The following IPCEF1 variants were observed in gnomAD, a reference collection of about 807,000 sequenced individuals.
The protein encoded by IPCEF1 is interactor protein for cytohesin exchange factors 1.
Under a neutral mutation model 50.9 loss-of-function variants are expected in IPCEF1, and 31 were observed. The observed-to-expected ratio is 0.61, with a 90% CI of 0.46 to 0.82. IPCEF1 has a LOEUF of 0.82. Among genes scored for constraint, IPCEF1 ranks in the 40% least tolerant of loss-of-function variants. The probability of loss-of-function intolerance (pLI) is 0.00; values close to 1 mark genes in which losing one functional copy is unlikely to be tolerated. For synonymous variants in IPCEF1, 181 were observed against 192.0 expected, an observed-to-expected ratio of 0.94 and a Z score of 0.47; for missense variants, 458 against 514.0, an observed-to-expected ratio of 0.89 and a Z score of 1.05.
intron 3 of IPCEF1, among the ~76,000 whole-genome samples, chr6:154,261,246 C>T (rs1001923668): frequency 2.0e-5 from 3 of 152,102 alleles, no homozygotes; most frequent in African/African-American, 4.8e-5. Flanking sequence ...GGGCTGGTCT[C>T]GAACTCCTGG....
At chr6:154,178,483 A>T (rs1800547211) in intron 10 of IPCEF1, among the ~76,000 whole-genome samples, 1 of 152,162 alleles carries the variant, frequency 6.6e-6, no homozygotes, top group African/African-American at 2.4e-5. Flanking sequence ...TATGTTAAAA[A>T]TATCGAAGGG....
intron 5 of IPCEF1, among the ~76,000 whole-genome samples, chr6:154,230,285 GA>G (rs1014945350): frequency 3.3e-5 from 5 of 152,080 alleles, no homozygotes; most frequent in African/African-American, 4.8e-5. Flanking sequence ...TGCAGATGGG[GA>G]TATTGATAAT....
chr6:154,268,321 G>A (rs1781811052), intron 2 of IPCEF1, among the ~76,000 whole-genome samples: 1 of 152,224 alleles, frequency 6.6e-6, no homozygotes, highest in Non-Finnish European at 1.5e-5. Context: ...AGTGGGAGGT[G>A]TGGGTCTGCA....
chr6:154,348,746 T>A (rs1784075233), intron 1 of IPCEF1, among the ~76,000 whole-genome samples: 1 of 152,202 alleles, frequency 6.6e-6, no homozygotes, highest in Admixed American at 6.5e-5. Flanking sequence ...AACAAAGTTG[T>A]TACAAATGAC....
intron 5 of IPCEF1, among the ~76,000 whole-genome samples, chr6:154,223,676 C>T (rs17292544): frequency 0.019 from 2,876 of 152,328 alleles, 39 homozygotes; most frequent in Non-Finnish European, 0.031. Context: ...GTGCCCAGAG[C>T]CCTGGAGTTA....
intron 1 of IPCEF1, among the ~76,000 whole-genome samples, chr6:154,322,786 G>A (rs149368364): frequency 0.029 from 4,346 of 151,602 alleles, 66 homozygotes; most frequent in Middle Eastern, 0.079. Context: ...GCAGTGAGCC[G>A]AGATTACACC....
intron 10 of IPCEF1, among the ~76,000 whole-genome samples, chr6:154,169,614 T>C (rs956408462): frequency 1.3e-5 from 2 of 152,248 alleles, no homozygotes; most frequent in Non-Finnish European, 2.9e-5. Context: ...GTCTGTGGTC[T>C]GTGGTTTTGA....
chr6:154,191,035 G>A (rs574809922), intron 10 of IPCEF1, among the ~76,000 whole-genome samples: 2 of 152,126 alleles, frequency 1.3e-5, no homozygotes, highest in East Asian at 1.9e-4. Context: ...CAGCCTGGAC[G>A]ACAGAGAGAG....
chr6:154,212,737 G>A (rs773636332), intron 9 of IPCEF1, 33 bp downstream of exon 9: 11 of 1,414,952 alleles, frequency 7.8e-6, no homozygotes, highest in South Asian at 2.3e-5. Context: ...ATGTCTGATC[G>A]ATGACCAACA....
intron 5 of IPCEF1, among the ~76,000 whole-genome samples, chr6:154,241,265 G>A (rs981817565): frequency 2.4e-4 from 36 of 148,064 alleles, no homozygotes; most frequent in Middle Eastern, 3.5e-3. Flanking sequence ...GAGAGAGAGA[G>A]AAACAGATAG....
At chr6:154,226,430 A>G (rs1779257419) in intron 5 of IPCEF1, among the ~76,000 whole-genome samples, 1 of 152,012 alleles carries the variant, frequency 6.6e-6, no homozygotes, top group Admixed American at 6.6e-5. Context: ...TCAGTGAATA[A>G]TATCACTTTC....
chr6:154,262,301 A>G (rs900751789), intron 3 of IPCEF1, among the ~76,000 whole-genome samples: 2 of 152,240 alleles, frequency 1.3e-5, no homozygotes, highest in Admixed American at 1.3e-4. Context: ...CAGGTTACCT[A>G]TTATAGTGGT....
intron 1 of IPCEF1, among the ~76,000 whole-genome samples, chr6:154,332,513 T>C (rs1384922893): frequency 6.6e-6 from 1 of 152,204 alleles, no homozygotes. Context: ...GAATCAAGTT[T>C]TATGTGATTT....
At chr6:154,305,773 T>C (rs191776712) in intron 1 of IPCEF1, among the ~76,000 whole-genome samples, 1 of 152,072 alleles carries the variant, frequency 6.6e-6, no homozygotes, top group African/African-American at 2.4e-5. Context: ...GTGGGAGAAA[T>C]GGACTTGCTG....
At chr6:154,261,004 A>G (rs968275743) in intron 3 of IPCEF1, among the ~76,000 whole-genome samples, 15 of 152,084 alleles carry the variant, frequency 9.9e-5, no homozygotes, top group Admixed American at 5.9e-4. Flanking sequence ...TATATTGAAG[A>G]TTTCCCAACA....
chr6:154,315,522 A>C (rs1305634219), intron 1 of IPCEF1, among the ~76,000 whole-genome samples: 1 of 152,180 alleles, frequency 6.6e-6, no homozygotes, highest in Non-Finnish European at 1.5e-5. Flanking sequence ...TATAAGGCAT[A>C]AGGCAAGAAC....
chr6:154,264,005 A>AC (rs71021034), intron 3 of IPCEF1, among the ~76,000 whole-genome samples: 82,171 of 127,838 alleles, frequency 0.64, 27,245 homozygotes, highest in East Asian at 0.93. Flanking sequence ...CGGGGGGCTG[A>AC]CCCCCCCCAC....
chr6:154,198,979 T>C (rs946656916), intron 10 of IPCEF1, among the ~76,000 whole-genome samples: 10 of 152,186 alleles, frequency 6.6e-5, no homozygotes, highest in Non-Finnish European at 5.9e-5. Flanking sequence ...TACGTCACGA[T>C]TGAACAGTAA....
rs150083039 is a variant in IPCEF1 at position 154,272,220 on chromosome 6, A to G, written c.-17-6256T>C. On this transcript the variant is annotated intron_variant, in intron 2 of 11. Coordinates refer to ENST00000367220, the MANE Select transcript of IPCEF1 (RefSeq NM_001130700.2). Reference sequence around the variant, plus strand: ...CAAGTGTGCATGCTTAGTAAGTGGTAGCAATTACCTAGAATGGGAGCTATT... The same window carrying G: ...CAAGTGTGCATGCTTAGTAAGTGGTGGCAATTACCTAGAATGGGAGCTATT... 3.2e-3 allele frequency among the ~76,000 whole-genome samples: 481 copies of G among 152,390 alleles called. 3 individuals are homozygous for G. Among genetic ancestry groups the G allele is most frequent in the African/African-American group, 0.011 (470 of 41,602 alleles).
Sources: gnomAD v4.1 joint callset for allele counts (sites outside exome capture counted in the v4.1 genomes callset) on GRCh38, gnomAD v4.1.1 for gene constraint, MANE v1.5 for transcripts, NCBI Gene and HGNC (gene_info 2026-07-23, HGNC 2026-07-21) for gene names.